Variants in ITK observed in about 807,000 individuals in gnomAD.
ITK encodes IL2 inducible T cell kinase.
In ITK, 45 loss-of-function variants were observed where a neutral mutation model predicts 87.6. The observed-to-expected ratio is 0.51, with a 90% CI of 0.40 to 0.66. ITK has a LOEUF of 0.66. Ranked by LOEUF, ITK falls within the 30% of genes least tolerant of loss-of-function variation. ITK has a pLI of 0.00. For missense variants in ITK, 605 were observed against 766.3 expected, an observed-to-expected ratio of 0.79 and a Z score of 2.48; for synonymous variants, 303 against 273.6, an observed-to-expected ratio of 1.11 and a Z score of -1.06.
chr5:157,244,010 C>T lies in ITK; in HGVS notation c.1232+216C>T, dbSNP rs536657567. 101 of 668,914 alleles carry T rather than the reference C, an allele frequency of 1.5e-4. 1 individual carries two copies. In the South Asian group the frequency reaches 1.7e-3, roughly 11 times the overall value. 41.4% of individuals were successfully genotyped at this position (668,914 alleles called of 1,614,324 possible). A position where few individuals can be genotyped will look rare whatever the true frequency, so the allele number is the denominator to read the frequency against. The stretch of plus-strand genomic sequence containing the variant: ...CACCTCCCCCTTCTCAGCTCCTACC[C>T]ATCTCTCCTCCAGTCCATGACATGC... On this transcript the variant is annotated intron_variant, in intron 12 of 16. Transcript: ENST00000422843.
At chr5:157,249,061 C>T in intron 16 of ITK, 54 bp downstream of exon 16, 1 of 1,493,916 alleles carries the variant, frequency 6.7e-7, no homozygotes, top group Non-Finnish European at 9.3e-7. Flanking sequence ...TGAGGACCTC[C>T]CTCCTTCCCT....
intron 7 of ITK, among the ~76,000 whole-genome samples, chr5:157,230,927 A>T (rs1184669183): frequency 7.2e-5 from 11 of 152,264 alleles, no homozygotes; most frequent in Non-Finnish European, 1.6e-4. Context: ...TTCAGTTTGC[A>T]TTCTCCAGAT....
chr5:157,248,746 C>T (rs1374619072), intron 15 of ITK, 104 bp from the exon 16 acceptor site: 15 of 1,299,950 alleles, frequency 1.2e-5, no homozygotes, highest in Non-Finnish European at 2.2e-6. Context: ...GGAGGTAGCA[C>T]ATGAATCCTA....
At chr5:157,193,793 G>T (rs1014428706) in intron 1 of ITK, among the ~76,000 whole-genome samples, 1 of 152,160 alleles carries the variant, frequency 6.6e-6, no homozygotes, top group Non-Finnish European at 1.5e-5. Flanking sequence ...CAATAGAGGT[G>T]TTGAGTCGGG....
intron 1 of ITK, among the ~76,000 whole-genome samples, chr5:157,189,401 T>C (rs950703883): frequency 2.0e-5 from 3 of 152,064 alleles, no homozygotes; most frequent in Non-Finnish European, 4.4e-5. Context: ...AGTTTCAGCC[T>C]GGGCACAGTG....
intron 7 of ITK, among the ~76,000 whole-genome samples, chr5:157,229,414 G>T (rs1754602681): frequency 6.6e-6 from 1 of 152,190 alleles, no homozygotes; most frequent in Non-Finnish European, 1.5e-5. Flanking sequence ...CTTATGTGAT[G>T]CACTGAGAAG....
At chr5:157,201,042 T>G (rs1300574516) in intron 1 of ITK, among the ~76,000 whole-genome samples, 1 of 152,124 alleles carries the variant, frequency 6.6e-6, no homozygotes, top group African/African-American at 2.4e-5. Flanking sequence ...AAATGCAATG[T>G]TGGCTCACTA....
intron 1 of ITK, among the ~76,000 whole-genome samples, chr5:157,191,012 T>C (rs1753742477): frequency 6.6e-6 from 1 of 152,196 alleles, no homozygotes. Flanking sequence ...GATTATACAA[T>C]GGCCAAGAAT....
intron 1 of ITK, among the ~76,000 whole-genome samples, chr5:157,208,646 G>T (rs540281609): frequency 3.3e-5 from 5 of 152,146 alleles, no homozygotes; most frequent in Admixed American, 6.5e-5. Flanking sequence ...ACATGACCCC[G>T]TGTCTCACTG....
intron 5 of ITK, among the ~76,000 whole-genome samples, chr5:157,219,323 G>A (rs549544722): frequency 2.0e-4 from 31 of 152,114 alleles, no homozygotes; most frequent in Non-Finnish European, 4.3e-4. Context: ...ATGTTGGCCA[G>A]GCAGGTCTTG....
At chr5:157,219,933 C>T (rs1754380187) in intron 5 of ITK, among the ~76,000 whole-genome samples, 1 of 152,212 alleles carries the variant, frequency 6.6e-6, no homozygotes, top group South Asian at 2.1e-4. Flanking sequence ...GGAGGAGCAT[C>T]GTGGATACTG....
Position 157,241,710 on chromosome 5 carries a change from G to A in ITK, c.1050G>A (p.Gly350=). The A allele has an allele frequency of 6.2e-7, 1 of 1,612,884 alleles. No homozygotes were observed. Among genetic ancestry groups the A allele is most frequent in the Non-Finnish European group, 8.5e-7 (1 of 1,178,988 alleles). ...GGCAGAAAGCCCCAGTTACAGCAGG[G>A]CTGAGATACGGTGAGCAGTACAATC... The part of the protein sequence containing the change: ...FGRQKAPVTA[G]LRYGKWVIDP... Residue 350 remains glycine, a synonymous_variant, in exon 11 of 17, where the codon GGG becomes GGA. Transcript: ENST00000422843.
intron 9 of ITK, 45 bp downstream of exon 9, chr5:157,238,236 G>A (rs1388237484): frequency 7.1e-7 from 1 of 1,402,984 alleles, no homozygotes; most frequent in South Asian, 1.2e-5. Flanking sequence ...AAACACTTCT[G>A]AAGTGTGTGA....
intron 1 of ITK, among the ~76,000 whole-genome samples, chr5:157,194,393 A>G (rs1753812765): frequency 6.6e-6 from 1 of 152,148 alleles, no homozygotes. Context: ...CCTCAGCACT[A>G]TTTAATTTTC....
intron 8 of ITK, among the ~76,000 whole-genome samples, chr5:157,236,935 C>A (rs547944890): frequency 6.6e-6 from 1 of 152,228 alleles, no homozygotes; most frequent in East Asian, 1.9e-4. Context: ...AATATATTAT[C>A]ATTAAGAGAA....
intron 1 of ITK, among the ~76,000 whole-genome samples, chr5:157,186,415 C>A (rs1753644932): frequency 6.6e-6 from 1 of 151,290 alleles, no homozygotes; most frequent in African/African-American, 2.4e-5. Flanking sequence ...TGGCCCATGC[C>A]TGTAATTCCA....
chr5:157,195,343 G>A (rs1374080411), intron 1 of ITK: 7 of 152,214 alleles, frequency 4.6e-5, no homozygotes, highest in Non-Finnish European at 1.0e-4. Context: ...CTGTTGGAAT[G>A]AATCTTTGTC....
intron 15 of ITK, among the ~76,000 whole-genome samples, chr5:157,246,798 T>TAA (rs1755027900): frequency 1.3e-5 from 2 of 152,096 alleles, no homozygotes; most frequent in Admixed American, 1.3e-4. Flanking sequence ...AAAAACTTGG[T>TAA]GCATCCAAAG....
rs34626223 is a variant in ITK, at chr5:157,201,300, CT to C, written c.139-7571del. On this transcript the variant is annotated intron_variant, in intron 1 of 16. Coordinates refer to ENST00000422843, the MANE Select transcript of ITK (RefSeq NM_005546.4). ...TTTGGGAACAAGACATAAATTTCCA[CT>C]TTTTTTTTTTTTTTTTTATGGAGTC... 2.5e-3 allele frequency among the ~76,000 whole-genome samples: 325 copies of C among 128,504 alleles called. 2 individuals are homozygous for C. The highest frequency in any genetic ancestry group is 8.3e-3 in the African/African-American group (283 of 34,076). 84.3% of individuals were successfully genotyped at this position (128,504 alleles called of 152,430 possible). A position where few individuals can be genotyped will look rare whatever the true frequency, so the allele number is the denominator to read the frequency against.
Sources: allele counts gnomAD v4.1 joint callset (sites outside exome capture counted in the v4.1 genomes callset), GRCh38; gene constraint gnomAD v4.1.1; transcripts MANE v1.5; gene names NCBI Gene and HGNC (gene_info 2026-07-23, HGNC 2026-07-21).